ELMO1: variants seen among roughly 807,000 people sequenced by gnomAD.
The protein encoded by ELMO1 is engulfment and cell motility 1.
Under a neutral mutation model 98.9 loss-of-function variants are expected in ELMO1, and 26 were observed. That is an observed-to-expected ratio of 0.26 (90% CI 0.19 to 0.36). The LOEUF (loss-of-function observed/expected upper bound fraction) is 0.36, where lower values mean the gene tolerates loss of function less well. Among genes scored for constraint, ELMO1 ranks in the 10% least tolerant of loss-of-function variants. ELMO1 has a pLI of 1.00. For synonymous variants in ELMO1, 346 were observed against 346.0 expected (o/e 1.00, Z 0.00); for missense variants, 627 against 935.2 (o/e 0.67, Z 4.30).
At chr7:37,166,012 C>T (rs1017515073) in intron 13 of ELMO1, among the ~76,000 whole-genome samples, 1 of 152,200 alleles carries the variant, frequency 6.6e-6, no homozygotes, top group Non-Finnish European at 1.5e-5. Context: ...GCCACAATTT[C>T]AGCTCCTGTT....
At chr7:37,136,836 G>A (rs773749453) in intron 13 of ELMO1, among the ~76,000 whole-genome samples, 9 of 151,886 alleles carry the variant, frequency 5.9e-5, no homozygotes, top group African/African-American at 1.2e-4. Flanking sequence ...TACATGTTGT[G>A]TATATAACAA....
chr7:37,374,495 T>C (rs1477067796), intron 1 of ELMO1, among the ~76,000 whole-genome samples: 1 of 152,232 alleles, frequency 6.6e-6, no homozygotes, highest in East Asian at 1.9e-4. Flanking sequence ...CTCATGCCTG[T>C]AATCCCAGCA....
intron 13 of ELMO1, among the ~76,000 whole-genome samples, chr7:37,183,365 A>AT (rs966082627): frequency 6.6e-6 from 1 of 152,246 alleles, no homozygotes. Flanking sequence ...AATTAGTGCC[A>AT]TTTTTTATAC....
chr7:37,063,756 G>GA (rs1301100578), intron 15 of ELMO1, among the ~76,000 whole-genome samples: 2 of 152,084 alleles, frequency 1.3e-5, no homozygotes, highest in African/African-American at 4.8e-5. Context: ...AGAGTATTGA[G>GA]AAAACGCACG....
chr7:37,135,518 T>A (rs1017382651), intron 13 of ELMO1, among the ~76,000 whole-genome samples: 1 of 152,192 alleles, frequency 6.6e-6, no homozygotes, highest in African/African-American at 2.4e-5. Flanking sequence ...CAGGTATCAA[T>A]GGCTGCAAGA....
At chr7:36,909,047 G>A (rs1784163024) in intron 16 of ELMO1, among the ~76,000 whole-genome samples, 1 of 152,154 alleles carries the variant, frequency 6.6e-6, no homozygotes, top group African/African-American at 2.4e-5. Flanking sequence ...TTGAATCCAA[G>A]TTCTGTAATT....
intron 1 of ELMO1, chr7:37,375,463 G>A (rs1439389695): frequency 3.0e-6 from 2 of 675,260 alleles, no homozygotes; most frequent in African/African-American, 1.8e-5. Flanking sequence ...CGTGAGGTTC[G>A]AAGCAAGATG....
intron 19 of ELMO1, among the ~76,000 whole-genome samples, chr7:36,872,973 C>T (rs1803653187): frequency 6.6e-6 from 1 of 152,062 alleles, no homozygotes; most frequent in Non-Finnish European, 1.5e-5. Context: ...AGAGTAATAC[C>T]ATAGTCTGTC....
intron 21 of ELMO1, among the ~76,000 whole-genome samples, chr7:36,856,517 C>T (rs991695083): frequency 6.6e-6 from 1 of 152,202 alleles, no homozygotes; most frequent in Non-Finnish European, 1.5e-5. Flanking sequence ...AAGCCCTTCA[C>T]AGTACCCAAC....
At chr7:37,066,625 AAGG>A (rs1181358729) in intron 15 of ELMO1, among the ~76,000 whole-genome samples, 1 of 152,212 alleles carries the variant, frequency 6.6e-6, no homozygotes, top group Non-Finnish European at 1.5e-5. Flanking sequence ...AAAAAGTTGG[AAGG>A]AGGATATCGA....
intron 1 of ELMO1, among the ~76,000 whole-genome samples, chr7:37,344,711 T>G (rs1044234924): frequency 2.6e-5 from 4 of 152,228 alleles, no homozygotes; most frequent in African/African-American, 9.6e-5. Flanking sequence ...CAGAATGAAT[T>G]TTTGCAAACC....
chr7:37,383,855 G>C (rs55852723), intron 1 of ELMO1, among the ~76,000 whole-genome samples: 1 of 151,700 alleles, frequency 6.6e-6, no homozygotes, highest in Admixed American at 6.6e-5. Context: ...TGGCTCTGTT[G>C]CCCAGGCTGG....
chr7:37,032,095 G>C (rs1271594767), intron 15 of ELMO1, among the ~76,000 whole-genome samples: 3 of 152,132 alleles, frequency 2.0e-5, no homozygotes, highest in African/African-American at 7.2e-5. Context: ...AGTCATTGGA[G>C]AAACATCCTA....
intron 13 of ELMO1, among the ~76,000 whole-genome samples, chr7:37,151,690 G>A (rs1333733851): frequency 2.0e-5 from 3 of 152,146 alleles, no homozygotes; most frequent in African/African-American, 7.2e-5. Context: ...TAATTCCAGC[G>A]GGAATCAGCC....
Position 37,040,833 on chromosome 7 carries a change from T to G in ELMO1, c.1301-27398A>C, listed in dbSNP as rs1795463046. Among the ~76,000 whole-genome samples the G allele has an allele frequency of 2.0e-5, 3 of 152,092 alleles. No individual in the cohort carries two copies. The South Asian group carries it at 6.2e-4, about 31-fold the overall frequency. On this transcript the variant is annotated intron_variant, in intron 15 of 21. Transcript: ENST00000310758. ...AGCTCACTCCTCTAATCCCAGCACT[T>G]TGGGAGGCCGAGGTGGGCAGGTCAC...
chr7:37,249,554 C>T (rs1229958282), intron 6 of ELMO1, among the ~76,000 whole-genome samples: 2 of 152,168 alleles, frequency 1.3e-5, no homozygotes, highest in Non-Finnish European at 2.9e-5. Flanking sequence ...AATACCACTG[C>T]TATCTTTCTG....
chr7:37,169,986 C>T (rs1790039652), intron 13 of ELMO1, among the ~76,000 whole-genome samples: 1 of 152,164 alleles, frequency 6.6e-6, no homozygotes, highest in Non-Finnish European at 1.5e-5. Flanking sequence ...ACTGCAACCT[C>T]CACCTCCTGG....
At chr7:36,877,358 T>C (rs771257751) in intron 19 of ELMO1, among the ~76,000 whole-genome samples, 8 of 152,250 alleles carry the variant, frequency 5.3e-5, no homozygotes, top group Admixed American at 1.3e-4. Flanking sequence ...CTTGTTTAAT[T>C]TGTATTGTTA....
chr7:36,949,940 C>T (rs555890495), intron 16 of ELMO1, among the ~76,000 whole-genome samples: 20 of 152,324 alleles, frequency 1.3e-4, no homozygotes, highest in South Asian at 1.2e-3. Flanking sequence ...CCCAAAGTCC[C>T]GTGGCTAAGC....
Sources: allele counts gnomAD v4.1 joint callset (sites outside exome capture counted in the v4.1 genomes callset), GRCh38; gene constraint gnomAD v4.1.1; transcripts MANE v1.5; gene names NCBI Gene and HGNC (gene_info 2026-07-23, HGNC 2026-07-21).